The following CHST8 variants were observed in gnomAD, a reference collection of about 807,000 sequenced individuals.
The protein encoded by CHST8 is carbohydrate sulfotransferase 8, also known as GALNAC-4-ST1.
Under a neutral mutation model 15.0 loss-of-function variants are expected in CHST8, and 10 were observed. That is an observed-to-expected ratio of 0.67 (90% CI 0.41 to 1.13). The LOEUF (loss-of-function observed/expected upper bound fraction) is 1.13, where lower values mean the gene tolerates loss of function less well. CHST8 is among the 50% of genes most tolerant of loss of function. The pLI, the probability that CHST8 is intolerant of heterozygous loss-of-function variation, is 0.00. For missense variants in CHST8, 634 were observed against 608.2 expected (o/e 1.04, Z -0.45); for synonymous variants, 259 against 256.6 (o/e 1.01, Z -0.09).
chr19:33,700,386 A>T (rs1973308009), intron 3 of CHST8, among the ~76,000 whole-genome samples: 1 of 152,210 alleles, frequency 6.6e-6, no homozygotes, highest in Non-Finnish European at 1.5e-5. Context: ...CAGTGTTTCT[A>T]AACAATGCAC....
intron 2 of CHST8, among the ~76,000 whole-genome samples, chr19:33,684,324 C>G (rs1015589590): frequency 1.9e-5 from 2 of 106,952 alleles, no homozygotes; most frequent in African/African-American, 5.8e-5. Context: ...AAATTGCCTT[C>G]CCCGGGAGTA....
intron 3 of CHST8, among the ~76,000 whole-genome samples, chr19:33,708,497 C>T (rs559096595): frequency 1.3e-5 from 2 of 152,276 alleles, no homozygotes; most frequent in South Asian, 2.1e-4. Context: ...TGTTCCCTAT[C>T]GAATTGCCTT....
intron 3 of CHST8, among the ~76,000 whole-genome samples, chr19:33,696,877 G>A (rs978850781): frequency 8.2e-5 from 12 of 146,506 alleles, no homozygotes; most frequent in South Asian, 6.4e-4. Context: ...TTTTGCTCTC[G>A]TTGCCCAGGC....
At chr19:33,641,250 C>G (rs1203318274) in intron 1 of CHST8, among the ~76,000 whole-genome samples, 1 of 152,220 alleles carries the variant, frequency 6.6e-6, no homozygotes, top group East Asian at 1.9e-4. Context: ...AGGGACTTAC[C>G]TGTTCCTAAA....
chr19:33,635,189 T>G (rs996371556), intron 1 of CHST8, among the ~76,000 whole-genome samples: 1 of 152,198 alleles, frequency 6.6e-6, no homozygotes, highest in Non-Finnish European at 1.5e-5. Flanking sequence ...TTGGTCAAAC[T>G]AAGGCAGAAG....
At chr19:33,690,044 G>C (rs1052897177) in intron 3 of CHST8, among the ~76,000 whole-genome samples, 6 of 152,150 alleles carry the variant, frequency 3.9e-5, no homozygotes, top group African/African-American at 1.2e-4. Flanking sequence ...GGTTTCTGCT[G>C]CCGGGACACG....
intron 1 of CHST8, among the ~76,000 whole-genome samples, chr19:33,638,202 G>A (rs759956810): frequency 6.6e-6 from 1 of 152,094 alleles, no homozygotes; most frequent in Non-Finnish European, 1.5e-5. Context: ...TTTCACCACC[G>A]AACACCACCG....
At position 33,773,173 on chromosome 19, in the gene CHST8, T is replaced by A; in HGVS notation, c.*110T>A. ...TGGGAGCAACAGGGCTCTGAGGACG[T>A]GAGGAGCCATCGCTGTGGGAGGCAG... On this transcript the variant is annotated 3_prime_UTR_variant, in exon 5 of 5. Coordinates refer to ENST00000650847, the MANE Select transcript of CHST8 (RefSeq NM_001127895.2). 3 of 1,259,016 alleles carry A rather than the reference T, an allele frequency of 2.4e-6. No homozygotes were observed. The highest frequency in any genetic ancestry group is 3.2e-6 in the Non-Finnish European group (3 of 935,276). The allele number at this position is 1,259,016 out of a possible 1,614,324, so 78.0% of individuals were successfully genotyped here.
chr19:33,715,983 C>G (rs995268822), intron 3 of CHST8, among the ~76,000 whole-genome samples: 1 of 152,326 alleles, frequency 6.6e-6, no homozygotes, highest in East Asian at 1.9e-4. Context: ...TGCAATGTTG[C>G]AAGCCTGTCA....
chr19:33,637,953 A>ACAGGCTCAAACATCCCC (rs1475225526), intron 1 of CHST8, among the ~76,000 whole-genome samples: 2 of 151,562 alleles, frequency 1.3e-5, no homozygotes, highest in Non-Finnish European at 2.9e-5. Flanking sequence ...TTCCTAACAG[A>ACAGGCTCAAACATCCCC]TTCTCCAAGG....
At chr19:33,763,127 G>T (rs567155536) in intron 3 of CHST8, among the ~76,000 whole-genome samples, 1 of 152,148 alleles carries the variant, frequency 6.6e-6, no homozygotes, top group African/African-American at 2.4e-5. Context: ...CAAAGTGCTA[G>T]AATTACAAGT....
At chr19:33,744,858 C>T (rs1485683818) in intron 3 of CHST8, among the ~76,000 whole-genome samples, 2 of 152,192 alleles carry the variant, frequency 1.3e-5, no homozygotes, top group Non-Finnish European at 2.9e-5. Context: ...AAGCAATTCT[C>T]CTGCCTCAGC....
intron 3 of CHST8, among the ~76,000 whole-genome samples, chr19:33,730,402 G>T (rs555519970): frequency 6.6e-6 from 1 of 152,194 alleles, no homozygotes; most frequent in Non-Finnish European, 1.5e-5. Flanking sequence ...TGTCTCAGGC[G>T]ACATTGTAAG....
chr19:33,663,117 G>A (rs1600245117), intron 1 of CHST8, among the ~76,000 whole-genome samples: 2 of 152,132 alleles, frequency 1.3e-5, no homozygotes, highest in Non-Finnish European at 2.9e-5. Flanking sequence ...ATGCGTGGCC[G>A]GAGCCTGCCG....
intron 3 of CHST8, among the ~76,000 whole-genome samples, chr19:33,724,191 C>A (rs772638782): frequency 2.0e-4 from 31 of 152,144 alleles, no homozygotes; most frequent in Non-Finnish European, 4.3e-4. Context: ...TGAGCCTAGC[C>A]TCCTGACCAG....
chr19:33,755,866 A>G (rs1974535094), intron 3 of CHST8, among the ~76,000 whole-genome samples: 1 of 152,216 alleles, frequency 6.6e-6, no homozygotes, highest in South Asian at 2.1e-4. Flanking sequence ...ATGGGAGCAC[A>G]TTCCGTTTGC....
chr19:33,650,079 A>G (rs1467548857), intron 1 of CHST8, among the ~76,000 whole-genome samples: 2 of 152,090 alleles, frequency 1.3e-5, no homozygotes, highest in African/African-American at 4.8e-5. Context: ...CTGTTCTGTG[A>G]GTCTTATGAT....
intron 1 of CHST8, among the ~76,000 whole-genome samples, chr19:33,648,601 G>A (rs943496776): frequency 2.0e-5 from 3 of 152,186 alleles, no homozygotes; most frequent in Non-Finnish European, 2.9e-5. Flanking sequence ...TTGACTGGGC[G>A]TGGTGGCTCA....
intron 1 of CHST8, among the ~76,000 whole-genome samples, chr19:33,662,604 C>T (rs1051842754): frequency 6.6e-6 from 1 of 152,014 alleles, no homozygotes; most frequent in Non-Finnish European, 1.5e-5. Context: ...TACGCATTGA[C>T]CAGCGCATGG....
Sources: allele counts gnomAD v4.1 joint callset (sites outside exome capture counted in the v4.1 genomes callset), GRCh38; gene constraint gnomAD v4.1.1; transcripts MANE v1.5; gene names NCBI Gene and HGNC (gene_info 2026-07-23, HGNC 2026-07-21).